Variants in RALY observed in about 807,000 individuals in gnomAD.
RALY encodes the protein RALY heterogeneous nuclear ribonucleoprotein, also known as RNA-binding protein Raly.
Under a neutral mutation model 30.7 loss-of-function variants are expected in RALY, and 15 were observed. The ratio of observed to expected loss-of-function variants is 0.49; its 90% CI spans 0.33 to 0.75. The LOEUF is 0.75. Ranked by LOEUF, RALY falls within the 30% of genes least tolerant of loss-of-function variation. The pLI is 0.02. For missense variants in RALY, 339 were observed against 414.3 expected, an observed-to-expected ratio of 0.82 and a Z score of 1.58; for synonymous variants, 177 against 170.8, an observed-to-expected ratio of 1.04 and a Z score of -0.28.
At chr20:34,006,329 G>C (rs1490426059) in intron 1 of RALY, among the ~76,000 whole-genome samples, 1 of 152,154 alleles carries the variant, frequency 6.6e-6, no homozygotes, top group African/African-American at 2.4e-5. Flanking sequence ...ATTTCACAGT[G>C]TGTCTCTAAA....
intron 1 of RALY, chr20:34,017,436 G>C (rs775021526): frequency 4.6e-5 from 7 of 152,280 alleles, no homozygotes; most frequent in Middle Eastern, 3.4e-3. Flanking sequence ...CCCTTCTACA[G>C]ACTGAACGGG....
intron 2 of RALY, among the ~76,000 whole-genome samples, chr20:34,058,864 G>C (rs2033335138): frequency 6.6e-6 from 1 of 152,208 alleles, no homozygotes; most frequent in South Asian, 2.1e-4. Context: ...TAAAGGATTT[G>C]AACTTGATTC....
chr20:34,076,616 T>C (rs1177157966), intron 6 of RALY, 86 bp from the exon 7 acceptor site: 23 of 1,192,516 alleles, frequency 1.9e-5, no homozygotes, highest in Non-Finnish European at 2.3e-5. Flanking sequence ...ACTGCTTTCC[T>C]GGTTGAAAGA....
intron 1 of RALY, among the ~76,000 whole-genome samples, chr20:33,997,458 C>G (rs542149812): frequency 6.6e-6 from 1 of 152,196 alleles, no homozygotes; most frequent in East Asian, 1.9e-4. Context: ...CCCACCCTCA[C>G]CTTGTTTGCA....
intron 2 of RALY, among the ~76,000 whole-genome samples, chr20:34,040,815 A>G (rs1352454611): frequency 1.3e-5 from 2 of 152,232 alleles, no homozygotes; most frequent in South Asian, 2.1e-4. Flanking sequence ...TGAAAGAGCT[A>G]GAGTTTGAAC....
At chr20:33,997,124 G>GC (rs1555799679) in intron 1 of RALY, among the ~76,000 whole-genome samples, 2 of 151,694 alleles carry the variant, frequency 1.3e-5, no homozygotes, top group Non-Finnish European at 2.9e-5. Flanking sequence ...CTTATACCCT[G>GC]TTTTTTTTGG....
At chr20:34,023,191 T>C (rs908714460) in intron 1 of RALY, among the ~76,000 whole-genome samples, 1 of 152,248 alleles carries the variant, frequency 6.6e-6, no homozygotes, top group Non-Finnish European at 1.5e-5. Flanking sequence ...TCATTTATCT[T>C]CACTATTCTG....
Position 34,076,822 on chromosome 20 carries a change from C to T in RALY, c.658+7C>T. 1 of 1,613,160 alleles carries T rather than the reference C, an allele frequency of 6.2e-7. No homozygotes were observed. The highest frequency in any genetic ancestry group is 2.2e-5 in the East Asian group (1 of 44,824). On this transcript the variant is annotated splice_region_variant and intron_variant, in intron 7 of 9. Transcript: ENST00000246194. ...GAGCAAAAGGCCAATCCAGGTCAGC[C>T]TCTGAGGATTCTCACCCACCTCCAT... is the stretch of plus-strand genomic sequence containing the variant.
intron 1 of RALY, among the ~76,000 whole-genome samples, chr20:34,023,380 ATACCCAGTTTTGG>A (rs2031902003): frequency 6.6e-6 from 1 of 152,166 alleles, no homozygotes; most frequent in South Asian, 2.1e-4. Flanking sequence ...AGCACCAAGG[ATACCCAGTTTTGG>A]TGGGAGAGCC....
chr20:33,999,528 C>A (rs1444477397), intron 1 of RALY, among the ~76,000 whole-genome samples: 1 of 152,140 alleles, frequency 6.6e-6, no homozygotes, highest in Non-Finnish European at 1.5e-5. Flanking sequence ...TACGTTAAGC[C>A]AAGAAAAGTT....
At chr20:33,994,380 T>C (rs1441653538) in intron 1 of RALY, 1 of 152,468 alleles carries the variant, frequency 6.6e-6, no homozygotes, top group African/African-American at 2.4e-5. Context: ...GTTCCCTGTC[T>C]GCTCTCTCCG....
chr20:34,059,504 A>G (rs1326277373), intron 2 of RALY, among the ~76,000 whole-genome samples: 1 of 152,066 alleles, frequency 6.6e-6, no homozygotes, highest in Non-Finnish European at 1.5e-5. Flanking sequence ...CCTCACAACA[A>G]CCTGTGTTAC....
chr20:33,997,578 C>G (rs964977817), intron 1 of RALY, among the ~76,000 whole-genome samples: 2 of 152,160 alleles, frequency 1.3e-5, no homozygotes, highest in East Asian at 3.9e-4. Context: ...TTAAGTAGAT[C>G]ACCTTTATGA....
intron 1 of RALY, among the ~76,000 whole-genome samples, chr20:34,013,292 T>C (rs1251768875): frequency 1.3e-5 from 2 of 151,692 alleles, no homozygotes; most frequent in African/African-American, 4.8e-5. Flanking sequence ...ATTCCTGTAG[T>C]CTCAGCAGCT....
chr20:34,043,588 G>T (rs2032775304), intron 2 of RALY, among the ~76,000 whole-genome samples: 1 of 152,140 alleles, frequency 6.6e-6, no homozygotes, highest in Non-Finnish European at 1.5e-5. Flanking sequence ...GATATTTGAG[G>T]TTCTGCAAAG....
At chr20:34,052,229 G>A (rs779001344) in intron 2 of RALY, among the ~76,000 whole-genome samples, 2 of 152,196 alleles carry the variant, frequency 1.3e-5, no homozygotes, top group Admixed American at 6.5e-5. Flanking sequence ...TCTTGGGAAC[G>A]AGTTGAGAGT....
intron 1 of RALY, among the ~76,000 whole-genome samples, chr20:34,009,482 C>T (rs960090953): frequency 2.6e-5 from 4 of 151,986 alleles, no homozygotes; most frequent in East Asian, 1.9e-4. Flanking sequence ...GTGATCTGCC[C>T]GCTTCAGCCT....
intron 1 of RALY, among the ~76,000 whole-genome samples, chr20:34,020,108 T>C (rs1467074957): frequency 6.6e-6 from 1 of 152,024 alleles, no homozygotes; most frequent in East Asian, 1.9e-4. Flanking sequence ...GTTCTGAAAA[T>C]AGTGTATAGA....
At position 34,070,521 on chromosome 20, in the gene RALY, T is replaced by TA. The variant is rs770459193; in HGVS notation, c.-9-1543dup. Among the ~76,000 whole-genome samples, 20 of 152,300 alleles carry TA rather than the reference T, an allele frequency of 1.3e-4. 2 individuals are homozygous for TA. In the East Asian group the frequency reaches 1.5e-3, roughly 12 times the overall value. On this transcript the variant is annotated intron_variant, in intron 2 of 9. Transcript: ENST00000246194. Reference sequence around the variant, plus strand: ...GAACAAAATTTGAACGAGTTAGTATTAATATGGGTAACTAAAAAATAAATT... The same window carrying TA: ...GAACAAAATTTGAACGAGTTAGTATTAAATATGGGTAACTAAAAAATAAATT...
Sources: allele counts gnomAD v4.1 joint callset (sites outside exome capture counted in the v4.1 genomes callset), GRCh38; gene constraint gnomAD v4.1.1; transcripts MANE v1.5; gene names NCBI Gene and HGNC (gene_info 2026-07-23, HGNC 2026-07-21).